Variants in HSPA12A observed in about 807,000 individuals in gnomAD.
HSPA12A encodes heat shock 70 kDa protein 12A.
Under a neutral mutation model 69.2 loss-of-function variants are expected in HSPA12A, and 28 were observed. The observed-to-expected ratio is 0.40, with a 90% CI of 0.30 to 0.55. The LOEUF (loss-of-function observed/expected upper bound fraction) is 0.55, where lower values mean the gene tolerates loss of function less well. Ranked by LOEUF, HSPA12A falls within the 20% of genes least tolerant of loss-of-function variation. HSPA12A has a pLI of 0.38. For synonymous variants in HSPA12A, 345 were observed against 370.5 expected (o/e 0.93, Z 0.79); for missense variants, 686 against 900.7 (o/e 0.76, Z 3.05).
chr10:116,834,679 C>G (rs1010020902), intron 2 of HSPA12A, among the ~76,000 whole-genome samples: 13 of 152,148 alleles, frequency 8.5e-5, no homozygotes, highest in African/African-American at 3.1e-4. Flanking sequence ...AGCGATGATT[C>G]TAGGCTTTGG....
At chr10:116,818,387 C>T (rs1041241083) in intron 2 of HSPA12A, among the ~76,000 whole-genome samples, 3 of 150,812 alleles carry the variant, frequency 2.0e-5, no homozygotes, top group Non-Finnish European at 4.4e-5. Context: ...CCTGCTTTAC[C>T]CAGCTGCTTG....
chr10:116,731,583 G>A (rs1851156526), intron 1 of HSPA12A, among the ~76,000 whole-genome samples: 1 of 152,224 alleles, frequency 6.6e-6, no homozygotes, highest in African/African-American at 2.4e-5. Flanking sequence ...ATGGGAGAAA[G>A]TAATTTTCTC....
At chr10:116,713,502 C>T (rs1367540643) in intron 1 of HSPA12A, among the ~76,000 whole-genome samples, 1 of 152,164 alleles carries the variant, frequency 6.6e-6, no homozygotes, top group Non-Finnish European at 1.5e-5. Context: ...GCATCAGGCC[C>T]ATCCTGACAC....
intron 2 of HSPA12A, among the ~76,000 whole-genome samples, chr10:116,796,478 C>T (rs1315059908): frequency 2.0e-5 from 3 of 152,112 alleles, no homozygotes; most frequent in Non-Finnish European, 2.9e-5. Context: ...GGTCTCTGGA[C>T]CCCACGCTGT....
chr10:116,849,857 T>G, upstream of HSPA12A: 1 of 1,115,622 alleles, frequency 9.0e-7, no homozygotes, highest in Non-Finnish European at 1.3e-6. Context: ...GCCCTGGGCC[T>G]GCGTGTGCGG....
At chr10:116,849,773 T>TC (rs1846006453), upstream of HSPA12A, 7 of 1,451,412 alleles carry the variant, frequency 4.8e-6, no homozygotes, top group South Asian at 2.9e-5. Flanking sequence ...CCAACCCCTC[T>TC]CCCCCCGCCC....
At chr10:116,776,194 C>T (rs901728840) in intron 2 of HSPA12A, among the ~76,000 whole-genome samples, 2 of 152,236 alleles carry the variant, frequency 1.3e-5, no homozygotes, top group Non-Finnish European at 2.9e-5. Flanking sequence ...CCCTGGGACT[C>T]CTGTGGGACA....
At chr10:116,732,990 A>G (rs1851207799) in intron 1 of HSPA12A, among the ~76,000 whole-genome samples, 1 of 152,170 alleles carries the variant, frequency 6.6e-6, no homozygotes, top group Non-Finnish European at 1.5e-5. Context: ...TCCAGACATT[A>G]GACAACCTGG....
chr10:116,693,633 A>C (rs1380217622), intron 5 of HSPA12A, among the ~76,000 whole-genome samples: 1 of 152,226 alleles, frequency 6.6e-6, no homozygotes, highest in Non-Finnish European at 1.5e-5. Flanking sequence ...AGACTGATGA[A>C]AAAACAAACA....
chr10:116,682,186 C>G (rs1164263469), intron 7 of HSPA12A, among the ~76,000 whole-genome samples: 2 of 152,140 alleles, frequency 1.3e-5, no homozygotes, highest in African/African-American at 4.8e-5. Context: ...GTGAAAAAAA[C>G]TGAAAGAAGA....
At chr10:116,777,265 C>G (rs1037915528) in intron 2 of HSPA12A, among the ~76,000 whole-genome samples, 1 of 152,244 alleles carries the variant, frequency 6.6e-6, no homozygotes, top group Admixed American at 6.5e-5. Flanking sequence ...ACATGGACAG[C>G]TCAGGCATGG....
At chr10:116,837,453 C>T (rs1031756603) in intron 1 of HSPA12A, among the ~76,000 whole-genome samples, 8 of 152,142 alleles carry the variant, frequency 5.3e-5, no homozygotes, top group Non-Finnish European at 1.0e-4. Flanking sequence ...TGCCTATTAT[C>T]ACACTTTTAT....
At chr10:116,727,327 C>T (rs782555349) in intron 1 of HSPA12A, among the ~76,000 whole-genome samples, 6 of 152,102 alleles carry the variant, frequency 3.9e-5, no homozygotes, top group Non-Finnish European at 7.3e-5. Context: ...GGCTGTCGGT[C>T]GGGGGCCTCA....
rs570105281 is a variant in HSPA12A at position 116,849,127 on chromosome 10, A to G, written c.3+439T>C. On this transcript the variant is annotated intron_variant, in intron 1 of 12. Coordinates refer to the HSPA12A transcript ENST00000635765. ...CAACCCGGAGGAGCTCACTAACAGC[A>G]GAGAGCAAGGGGGCGCGTGGGGAGG... Among the ~76,000 whole-genome samples, 134 of 151,818 alleles carry G rather than the reference A, an allele frequency of 8.8e-4. 2 individuals are homozygous for G. The South Asian group carries it at 0.027, about 30-fold the overall frequency.
At chr10:116,740,664 G>A (rs1387342789) in intron 1 of HSPA12A, among the ~76,000 whole-genome samples, 56 of 22,564 alleles carry the variant, frequency 2.5e-3, no homozygotes, top group Admixed American at 5.3e-4. Context: ...GTGTGTGTGT[G>A]TGTGTGTGTG....
intron 2 of HSPA12A, among the ~76,000 whole-genome samples, chr10:116,761,137 C>T (rs1843961079): frequency 6.6e-6 from 1 of 151,882 alleles, no homozygotes; most frequent in South Asian, 2.1e-4. Context: ...GTCACTTCAG[C>T]CTGGAAGTTC....
upstream of HSPA12A, among the ~76,000 whole-genome samples, chr10:116,745,829 C>T (rs536412256): frequency 2.6e-4 from 40 of 152,274 alleles, 1 homozygote; most frequent in Admixed American, 5.2e-4. Flanking sequence ...TATCTTAGCA[C>T]TTATCACAAC....
intron 6 of HSPA12A, among the ~76,000 whole-genome samples, chr10:116,691,418 G>A (rs969876153): frequency 3.6e-4 from 55 of 152,174 alleles, no homozygotes; most frequent in African/African-American, 1.3e-3. Context: ...AAAATCAGAG[G>A]TACGTCTCCT....
intron 2 of HSPA12A, among the ~76,000 whole-genome samples, chr10:116,783,100 C>T (rs1844499331): frequency 6.6e-6 from 1 of 152,202 alleles, no homozygotes; most frequent in Non-Finnish European, 1.5e-5. Flanking sequence ...ATACCAATCA[C>T]GTCCAGCGCA....
Sources: gnomAD v4.1 joint callset for allele counts (sites outside exome capture counted in the v4.1 genomes callset) on GRCh38, gnomAD v4.1.1 for gene constraint, MANE v1.5 for transcripts, NCBI Gene and HGNC (gene_info 2026-07-23, HGNC 2026-07-21) for gene names.